The following IRX2 variants were observed in gnomAD, a reference collection of about 807,000 sequenced individuals.
IRX2 encodes the protein iroquois homeobox 2, also known as iroquois-class homeodomain protein IRX-2.
A neutral mutation model predicts 42.9 loss-of-function variants in IRX2; 26 were observed. That is an observed-to-expected ratio of 0.61 (90% CI 0.44 to 0.84). The LOEUF (loss-of-function observed/expected upper bound fraction) is 0.84. Ranked by LOEUF, IRX2 falls within the 40% of genes least tolerant of loss-of-function variation. IRX2 has a pLI of 0.00. For synonymous variants in IRX2, 424 were observed against 353.9 expected (o/e 1.20, Z -2.22); for missense variants, 782 against 713.9 (o/e 1.10, Z -1.09).
chr5:2,748,730 C>G lies in IRX2; in HGVS notation c.978G>C (p.Lys326Asn). ...TCTCGGCCAGCGACCACAGCTTGGG[C>G]TTGCTGGCGGGGGGCGGCGCGCCCG... is the stretch of plus-strand genomic sequence containing the variant. ...TSPGAPPPAS[K>N]PKLWSLAEIA... Residue 326 changes from lysine (K) to asparagine (N), a missense_variant, in exon 3 of 4, where the codon AAG becomes AAC. By Grantham distance (94) the Lys-to-Asn change is moderately conservative. Around this residue, in one of 3 missense-constraint regions of IRX2, gnomAD observed 520 missense variants for 437.8 expected, o/e 1.19. Transcript: ENST00000302057. The G allele has an allele frequency of 1.4e-6, 2 of 1,382,058 alleles. No individual in the cohort carries two copies. The highest frequency in any genetic ancestry group is 1.9e-6 in the Non-Finnish European group (2 of 1,071,432). The allele number at this position is 1,382,058 out of a possible 1,614,324, so 85.6% of individuals were successfully genotyped here.
the IRX2 span, among the ~76,000 whole-genome samples, chr5:2,739,013 C>T: frequency 2.6e-5 from 4 of 152,222 alleles, no homozygotes; most frequent in Non-Finnish European, 1.5e-5. Flanking sequence ...GCCTCCATCC[C>T]GGCCGCTGAC....
rs1324994035 is a variant in IRX2 at position 2,749,791 on chromosome 5, G to T, written c.250-4C>A. 3.8e-6 allele frequency: 6 copies of T among 1,595,384 alleles called. No homozygotes were observed. In the African/African-American group the frequency reaches 8.0e-5, roughly 21 times the overall value. On this transcript the variant is annotated splice_region_variant and splice_polypyrimidine_tract_variant and intron_variant, in intron 1 of 3. Coordinates refer to ENST00000302057, the MANE Select transcript of IRX2 (RefSeq NM_033267.5). ...TGTGCGCGTCGTAGGGTGCGCCCTG[G>T]AACCAACAAGAGCCTGTGAGTGGAG...
the IRX2 span, among the ~76,000 whole-genome samples, chr5:2,738,588 C>CCT: frequency 6.6e-6 from 1 of 152,040 alleles, no homozygotes; most frequent in African/African-American, 2.4e-5. Flanking sequence ...AAGCCTTCAC[C>CCT]CTCTCTCCAC....
chr5:2,746,207 A>C lies in IRX2; in HGVS notation c.*1357T>G, dbSNP rs1737660881. 1 of 152,212 alleles carries C rather than the reference A, an allele frequency of 6.6e-6. No individual in the cohort carries two copies. Among genetic ancestry groups the C allele is most frequent in the South Asian group, 2.1e-4 (1 of 4,826 alleles). 9.4% of individuals were successfully genotyped at this position (152,212 alleles called of 1,614,324 possible). A position where few individuals can be genotyped will look rare whatever the true frequency, so the allele number is the denominator to read the frequency against. ...GTTTTTATTTACAATTTAAGATATA[A>C]ATTAGTAAAGAATTCGTGTTAAACA... On this transcript the variant is annotated 3_prime_UTR_variant, in exon 4 of 4. Coordinates refer to ENST00000302057, the MANE Select transcript of IRX2 (RefSeq NM_033267.5).
chr5:2,740,466 G>A, the IRX2 span, among the ~76,000 whole-genome samples: 17 of 152,214 alleles, frequency 1.1e-4, no homozygotes, highest in African/African-American at 4.1e-4. Flanking sequence ...CAGCGGCAGC[G>A]CCGCGCTTGG....
chr5:2,751,110 G>GCCCC lies in IRX2; in HGVS notation c.249+51_249+54dup. On this transcript the variant is annotated intron_variant, in intron 1 of 3. Transcript: ENST00000302057. This position sits in a 1 kb window ranked among gnomAD's most constrained non-coding sequence, Gnocchi z 4.0. ...CGAACCCGAGCCCCGCTCCGCCTGAGCCCCGTCTGGGTCCCGGCGCCCAGG... is the reference window on the plus strand; with the variant it reads ...CGAACCCGAGCCCCGCTCCGCCTGAGCCCCCCCCGTCTGGGTCCCGGCGCCCAGG... 8.3e-7 allele frequency: 1 copy of GCCCC among 1,208,026 alleles called. No individual in the cohort carries two copies. Among genetic ancestry groups the GCCCC allele is most frequent in the Non-Finnish European group, 1.0e-6 (1 of 972,060 alleles). The allele number at this position is 1,208,026 out of a possible 1,614,324, so 74.8% of individuals were successfully genotyped here.
chr5:2,741,636 T>G (rs1187820503), downstream of IRX2, among the ~76,000 whole-genome samples: 3 of 152,206 alleles, frequency 2.0e-5, no homozygotes. Context: ...CACTAACGAT[T>G]AATAATTGAT....
downstream of IRX2, among the ~76,000 whole-genome samples, chr5:2,742,780 T>G (rs1371112486): frequency 6.6e-6 from 1 of 152,188 alleles, no homozygotes; most frequent in Non-Finnish European, 1.5e-5. Flanking sequence ...TGCCTCTGAG[T>G]GGACCACAAA....
At chr5:2,744,429 A>G (rs2111438379), downstream of IRX2, among the ~76,000 whole-genome samples, 1 of 152,302 alleles carries the variant, frequency 6.6e-6, no homozygotes, top group African/African-American at 2.4e-5. Flanking sequence ...TTTCCTGCTG[A>G]TTTAGGAAAT....
At position 2,751,377 on chromosome 5, in the gene IRX2, C is replaced by T. The variant is rs1737972203; in HGVS notation, c.37G>A (p.Gly13Ser). 5 of 1,424,654 alleles carry T rather than the reference C, an allele frequency of 3.5e-6. No homozygotes were observed. Among genetic ancestry groups the T allele is most frequent in the African/African-American group, 1.5e-5 (1 of 66,332 alleles). The allele number at this position is 1,424,654 out of a possible 1,614,324, so 88.3% of individuals were successfully genotyped here. Reference protein sequence around the residue: ...YPQGYLYQAPGSLALYSCPAY... With the variant: ...YPQGYLYQAPSSLALYSCPAY... The stretch of plus-strand genomic sequence containing the variant: ...GGGCACGAGTAGAGCGCCAGCGAGC[C>T]GGGCGCCTGGTACAGGTAGCCCTGC... The change falls in exon 1 of 4, where the codon GGC becomes AGC. Residue 13 changes from glycine to serine, a missense_variant. This residue lies in a region of IRX2 where 256 missense variants were observed against 250.0 expected (regional missense o/e 1.02). Coordinates refer to ENST00000302057, the MANE Select transcript of IRX2 (RefSeq NM_033267.5). The surrounding 1 kb of genome is among the most constrained non-coding windows in gnomAD (Gnocchi z 4.0).
In IRX2 at chr5:2,746,550, C is replaced by T. The variant is rs1233136733; in HGVS notation, c.*1014G>A. ...AGATTGTTTTCAAAAGTCACACATA[C>T]ATCGGGGAAACTATACTATGCCAAC... On this transcript the variant is annotated 3_prime_UTR_variant, in exon 4 of 4. Transcript: ENST00000302057. 3 of 152,510 alleles carry T rather than the reference C, an allele frequency of 2.0e-5. No individual in the cohort carries two copies. The highest frequency in any genetic ancestry group is 4.8e-5 in the African/African-American group (2 of 41,434). The allele number at this position is 152,510 out of a possible 1,614,324, so 9.4% of individuals were successfully genotyped here.
chr5:2,750,954 G>T (rs924633324), intron 1 of IRX2, among the ~76,000 whole-genome samples: 9 of 151,814 alleles, frequency 5.9e-5, no homozygotes, highest in African/African-American at 1.2e-4. Context: ...GGTCCCGGCC[G>T]GGCTCAGGGA....
downstream of IRX2, among the ~76,000 whole-genome samples, chr5:2,740,943 G>A (rs558200363): frequency 6.6e-6 from 1 of 152,326 alleles, no homozygotes; most frequent in South Asian, 2.1e-4. Flanking sequence ...CGACTCCCCA[G>A]GATGCTGCCT....
chr5:2,739,430 C>G, the IRX2 span, among the ~76,000 whole-genome samples: 1 of 152,220 alleles, frequency 6.6e-6, no homozygotes, highest in Non-Finnish European at 1.5e-5. Flanking sequence ...CGAACGCTGC[C>G]GCCAGAGCGG....
downstream of IRX2, among the ~76,000 whole-genome samples, chr5:2,743,283 T>G (rs1379464098): frequency 6.6e-6 from 1 of 152,200 alleles, no homozygotes. Flanking sequence ...TTTTCAAGTT[T>G]CAAAGGCAGT....
intron 2 of IRX2, 50 bp downstream of exon 2, chr5:2,749,332 G>T (rs764959260): frequency 5.8e-6 from 9 of 1,541,744 alleles, no homozygotes; most frequent in Non-Finnish European, 7.8e-6. Context: ...TCTGCGCCCC[G>T]CCTGGGAAGA....
chr5:2,747,582 G>A lies in IRX2; in HGVS notation c.1398C>T (p.Gly466=), dbSNP rs1282541469. Residue 466 remains glycine, a synonymous_variant, in exon 4 of 4, where the codon GGC becomes GGT. Transcript: ENST00000302057. ...ASEGCTVVGG[G]VQPYL ...GGCCCTTCTATAGGTAGGGCTGGAC[G>A]CCCCCGCCAACCACGGTGCAGCCCT... 3 of 1,613,830 alleles carry A rather than the reference G, an allele frequency of 1.9e-6. No individual in the cohort carries two copies. Among genetic ancestry groups the A allele is most frequent in the Non-Finnish European group, 2.5e-6 (3 of 1,179,926 alleles).
chr5:2,746,117 C>G (rs1314611766), downstream of IRX2: 1 of 151,524 alleles, frequency 6.6e-6, no homozygotes, highest in Non-Finnish European at 1.5e-5. Flanking sequence ...TTCACTAGCG[C>G]TCTACCCCAA....
the IRX2 span, among the ~76,000 whole-genome samples, chr5:2,739,059 G>A: frequency 6.6e-6 from 1 of 152,250 alleles, no homozygotes; most frequent in Non-Finnish European, 1.5e-5. Flanking sequence ...ACCACCTCCA[G>A]GCAGCCCTCC....
Sources: gnomAD v4.1 joint callset for allele counts (sites outside exome capture counted in the v4.1 genomes callset) on GRCh38, gnomAD v4.1.1 for gene constraint, gnomAD v4.1.1 regional missense constraint, Gnocchi (gnomAD v3.1) non-coding constraint, MANE v1.5 for transcripts, NCBI Gene and HGNC (gene_info 2026-07-23, HGNC 2026-07-21) for gene names.